POLR2L: variants seen among roughly 807,000 people sequenced by gnomAD.
POLR2L encodes DNA-directed RNA polymerases I, II, and III subunit RPABC5.
In POLR2L, 7 loss-of-function variants were observed where a neutral mutation model predicts 6.8. The observed-to-expected ratio is 1.03, with a 90% CI of 0.59 to 1.94. The LOEUF (loss-of-function observed/expected upper bound fraction) is 1.94, where lower values mean the gene tolerates loss of function less well. Among genes scored for constraint, POLR2L ranks in the 30% most tolerant of loss-of-function variants. The pLI, the probability that POLR2L is intolerant of heterozygous loss-of-function variation, is 0.00. For missense variants in POLR2L, 93 were observed against 86.7 expected, an observed-to-expected ratio of 1.07 and a Z score of -0.29; for synonymous variants, 59 against 39.8, an observed-to-expected ratio of 1.48 and a Z score of -1.82.
intron 1 of POLR2L, 38 bp downstream of exon 1, chr11:842,376 A>G: frequency 6.8e-7 from 1 of 1,478,446 alleles, no homozygotes; most frequent in Non-Finnish European, 9.1e-7. Context: ...CCCGCGCCCC[A>G]CGGCGGACTC....
Position 840,306 on chromosome 11 carries a change from C to G in POLR2L, c.*66G>C, listed in dbSNP as rs1373752271. The G allele has an allele frequency of 7.7e-6, 8 of 1,032,474 alleles. No homozygotes were observed. In the African/African-American group the frequency reaches 1.1e-4, roughly 14 times the overall value. The allele number at this position is 1,032,474 out of a possible 1,614,324, so 64.0% of individuals were successfully genotyped here. A position where few individuals can be genotyped will look rare whatever the true frequency, so the allele number is the denominator to read the frequency against. The stretch of plus-strand genomic sequence containing the variant: ...CGCCAGCTCCCGGATGCCTCAGCCT[C>G]GTGAATTCGGGGCAGGACGCTCAGG... On this transcript the variant is annotated 3_prime_UTR_variant, in exon 2 of 2. Coordinates refer to ENST00000322028, the MANE Select transcript of POLR2L (RefSeq NM_021128.5).
intron 1 of POLR2L, 147 bp downstream of exon 1, chr11:842,264 GAGA>G: frequency 4.1e-6 from 2 of 482,104 alleles, no homozygotes; most frequent in Non-Finnish European, 7.2e-6. Context: ...AGCGGGGCTG[GAGA>G]AGCCGGGCCT....
rs1434577075 is a variant in POLR2L at position 839,908 on chromosome 11, T to C, written c.*464A>G. On this transcript the variant is annotated 3_prime_UTR_variant, in exon 2 of 2. Coordinates refer to ENST00000322028, the MANE Select transcript of POLR2L (RefSeq NM_021128.5). ...ATCCTCCTGCCTTGGCCTCCCAAAGTCCTGGGATTATAGGGGTGAGCCCCT... is the reference window on the plus strand; with the variant it reads ...ATCCTCCTGCCTTGGCCTCCCAAAGCCCTGGGATTATAGGGGTGAGCCCCT... 1.9e-5 allele frequency: 3 copies of C among 153,962 alleles called. No individual in the cohort carries two copies. Among genetic ancestry groups the C allele is most frequent in the African/African-American group, 7.2e-5 (3 of 41,516 alleles). The allele number at this position is 153,962 out of a possible 1,614,324, so 9.5% of individuals were successfully genotyped here.
At position 842,463 on chromosome 11, in the gene POLR2L, T is replaced by G; in HGVS notation, c.46A>C (p.Asn16His). ...RCFTCGKIVGNKWEAYLGLLQ... is the reference protein window; with the variant it reads ...RCFTCGKIVGHKWEAYLGLLQ... Reference sequence around the variant, plus strand: ...AGCCCCAGGTAAGCCTCCCACTTGTTGCCGACGATCTTGCCACAAGTGAAG... The same window carrying G: ...AGCCCCAGGTAAGCCTCCCACTTGTGGCCGACGATCTTGCCACAAGTGAAG... The change falls in exon 1 of 2, where the codon AAC becomes CAC. Residue 16 changes from asparagine (N) to histidine (H), a missense_variant. Coordinates refer to ENST00000322028, the MANE Select transcript of POLR2L (RefSeq NM_021128.5). The G allele has an allele frequency of 6.3e-7, 1 of 1,596,804 alleles. No individual in the cohort carries two copies. Among genetic ancestry groups the G allele is most frequent in the Non-Finnish European group, 8.5e-7 (1 of 1,173,318 alleles).
At chr11:841,351 C>T (rs1435921798) in intron 1 of POLR2L, among the ~76,000 whole-genome samples, 4 of 152,198 alleles carry the variant, frequency 2.6e-5, no homozygotes, top group African/African-American at 4.8e-5. Flanking sequence ...GACAGCAGCA[C>T]CAAGGGACAA....
intron 1 of POLR2L, among the ~76,000 whole-genome samples, chr11:841,716 T>G (rs1846972777): frequency 6.6e-6 from 1 of 152,016 alleles, no homozygotes; most frequent in Non-Finnish European, 1.5e-5. Context: ...CTGGCCAACA[T>G]GGCGAAATCC....
intron 1 of POLR2L, 43 bp from the exon 2 acceptor site, chr11:840,523 G>T: frequency 7.3e-7 from 1 of 1,373,196 alleles, no homozygotes; most frequent in Non-Finnish European, 1.0e-6. Context: ...GTTCTCTACG[G>T]TCTGCAAAGG....
intron 1 of POLR2L, 99 bp from the exon 2 acceptor site, chr11:840,579 C>T (rs1590212974): frequency 2.3e-5 from 2 of 85,196 alleles, no homozygotes; most frequent in South Asian, 6.0e-5. Flanking sequence ...GCTGGCCTCA[C>T]CCCCCCCGCC....
At chr11:842,362 C>A (rs1044045148) in intron 1 of POLR2L, 52 bp downstream of exon 1, 8 of 1,428,578 alleles carry the variant, frequency 5.6e-6, no homozygotes, top group South Asian at 5.2e-5. Context: ...GCCCCCAGCC[C>A]CGGCCCGCGC....
rs540048183 is a variant in POLR2L, at chr11:840,584, C to G, written c.96-104G>C. 688 of 727,820 alleles carry G rather than the reference C, an allele frequency of 9.5e-4. 10 individuals are homozygous for G. The East Asian group carries it at 0.016, about 17-fold the overall frequency. 45.1% of individuals were successfully genotyped at this position (727,820 alleles called of 1,614,324 possible). A position where few individuals can be genotyped will look rare whatever the true frequency, so the allele number is the denominator to read the frequency against. ...CTCACTGCCTGCTGGCCTCACCCCC[C>G]CCGCCACCGGCAAGGCGAACAGATT... is the stretch of plus-strand genomic sequence containing the variant. On this transcript the variant is annotated intron_variant, in intron 1 of 1. Transcript: ENST00000322028.
chr11:842,213 C>T (rs1218549084), intron 1 of POLR2L, among the ~76,000 whole-genome samples: 4 of 152,218 alleles, frequency 2.6e-5, no homozygotes, highest in Admixed American at 2.6e-4. Flanking sequence ...TTCTCTTCCC[C>T]AGACTTCAGG....
At position 842,406 on chromosome 11, in the gene POLR2L, C is replaced by T; in HGVS notation, c.95+8G>A. On this transcript the variant is annotated splice_region_variant and intron_variant, in intron 1 of 1. Transcript: ENST00000322028. ...GGACTCAGCCCCTAGCCCCGGCCCG[C>T]GCCTCACCCCTCGGTGTACTCGGCC... The T allele has an allele frequency of 6.4e-7, 1 of 1,573,594 alleles. No homozygotes were observed. Among genetic ancestry groups the T allele is most frequent in the Non-Finnish European group, 8.6e-7 (1 of 1,162,304 alleles).
Position 842,320 on chromosome 11 carries a change from C to T in POLR2L, c.95+94G>A, listed in dbSNP as rs562210902. 24 of 863,978 alleles carry T rather than the reference C, an allele frequency of 2.8e-5. No individual in the cohort carries two copies. In the South Asian group the frequency reaches 6.1e-4, roughly 22 times the overall value. 53.5% of individuals were successfully genotyped at this position (863,978 alleles called of 1,614,324 possible). ...GCTGGCCTCAGGCAGCGCTGCGCCT[C>T]CCGCCCCGGCGCGCACCCCAGGGCG... On this transcript the variant is annotated intron_variant, in intron 1 of 1. Coordinates refer to ENST00000322028, the MANE Select transcript of POLR2L (RefSeq NM_021128.5).
chr11:842,517 C>T lies in POLR2L; in HGVS notation c.-9G>A, dbSNP rs752843033. On this transcript the variant is annotated 5_prime_UTR_variant, in exon 1 of 2. Transcript: ENST00000322028. ...CGTACAGGGATGATCATGGCGGCGG[C>T]GCGTCCCAGACTGCCCGGCCCGGCC... 6.4e-7 allele frequency: 1 copy of T among 1,570,456 alleles called. No homozygotes were observed. The highest frequency in any genetic ancestry group is 8.6e-7 in the Non-Finnish European group (1 of 1,160,494).
intron 1 of POLR2L, 110 bp downstream of exon 1, chr11:842,304 A>C (rs1456148592): frequency 1.5e-6 from 1 of 661,958 alleles, no homozygotes; most frequent in Non-Finnish European, 2.3e-6. Flanking sequence ...CGCTGGCCTC[A>C]GGCAGCGCTG....
At chr11:842,305 G>C in intron 1 of POLR2L, 109 bp downstream of exon 1, 1 of 680,876 alleles carries the variant, frequency 1.5e-6, no homozygotes, top group Non-Finnish European at 2.2e-6. Context: ...GCTGGCCTCA[G>C]GCAGCGCTGC....
At chr11:842,108 G>A (rs1213595887) in intron 1 of POLR2L, among the ~76,000 whole-genome samples, 1 of 152,320 alleles carries the variant, frequency 6.6e-6, no homozygotes, top group South Asian at 2.1e-4. Flanking sequence ...GGAATAGGGC[G>A]GAGGCCAAGG....
intron 1 of POLR2L, among the ~76,000 whole-genome samples, 190 bp downstream of exon 1, chr11:842,224 G>A (rs1044095229): frequency 4.6e-5 from 7 of 152,196 alleles, no homozygotes; most frequent in African/African-American, 1.4e-4. Flanking sequence ...AGACTTCAGG[G>A]GATAAGGTTC....
In POLR2L at chr11:842,498, G is replaced by C. The variant is rs867094914; in HGVS notation, c.11C>G (p.Pro4Arg). MII[P>R]VRCFTCGKIV... Reference sequence around the variant, plus strand: ...CTTGCCACAAGTGAAGCAGCGTACAGGGATGATCATGGCGGCGGCGCGTCC... The same window carrying C: ...CTTGCCACAAGTGAAGCAGCGTACACGGATGATCATGGCGGCGGCGCGTCC... The change falls in exon 1 of 2, where the codon CCT becomes CGT. Residue 4 changes from proline (P) to arginine (R), a missense_variant. Transcript: ENST00000322028. 1.9e-6 allele frequency: 3 copies of C among 1,582,242 alleles called. No homozygotes were observed. The highest frequency in any genetic ancestry group is 3.6e-5 in the Admixed American group (2 of 56,150).
Sources: gnomAD v4.1 joint callset for allele counts (sites outside exome capture counted in the v4.1 genomes callset) on GRCh38, gnomAD v4.1.1 for gene constraint, MANE v1.5 for transcripts, NCBI Gene and HGNC (gene_info 2026-07-23, HGNC 2026-07-21) for gene names.